Variants in KLHL1 observed in about 807,000 individuals in gnomAD.
KLHL1 encodes the protein kelch-like protein 1.
A neutral mutation model predicts 77.7 loss-of-function variants in KLHL1; 47 were observed. The observed-to-expected ratio is 0.60, with a 90% CI of 0.48 to 0.77. The LOEUF is 0.77. KLHL1 is among the 30% of genes least tolerant of loss of function. The probability of loss-of-function intolerance (pLI) is 0.00; values close to 1 mark genes in which losing one functional copy is unlikely to be tolerated. For missense variants in KLHL1, 925 were observed against 910.8 expected (o/e 1.02, Z -0.20); for synonymous variants, 360 against 325.2 (o/e 1.11, Z -1.15).
At chr13:69,746,624 C>T (rs887745016) in intron 7 of KLHL1, among the ~76,000 whole-genome samples, 8 of 151,312 alleles carry the variant, frequency 5.3e-5, no homozygotes, top group Non-Finnish European at 7.4e-5. Flanking sequence ...TTTCTTTCTC[C>T]AGTATTTTTG....
chr13:70,092,248 T>C (rs1443649796), intron 1 of KLHL1, among the ~76,000 whole-genome samples: 3 of 152,166 alleles, frequency 2.0e-5, no homozygotes, highest in African/African-American at 7.2e-5. Context: ...TATGTAGCAA[T>C]AAAAAATGAA....
intron 4 of KLHL1, among the ~76,000 whole-genome samples, chr13:69,888,676 G>A (rs1237562378): frequency 6.6e-6 from 1 of 151,924 alleles, no homozygotes; most frequent in Non-Finnish European, 1.5e-5. Context: ...ATGACCCTGT[G>A]GATAATATGA....
chr13:69,830,345 G>C (rs565248174), intron 6 of KLHL1, among the ~76,000 whole-genome samples: 6 of 149,886 alleles, frequency 4.0e-5, no homozygotes, highest in Non-Finnish European at 7.4e-5. Flanking sequence ...AGTTTAAAAA[G>C]GTAAAGAGGG....
At chr13:70,047,408 T>A (rs950022079) in intron 1 of KLHL1, among the ~76,000 whole-genome samples, 1 of 151,952 alleles carries the variant, frequency 6.6e-6, no homozygotes, top group Non-Finnish European at 1.5e-5. Flanking sequence ...TTTGTGTGTG[T>A]GTGTGTGTGT....
intron 3 of KLHL1, among the ~76,000 whole-genome samples, chr13:69,948,090 G>GT (rs1353922362): frequency 1.3e-4 from 19 of 151,718 alleles, no homozygotes; most frequent in Middle Eastern, 3.4e-3. Context: ...TTTAGAGATT[G>GT]TTTTCAAAAA....
intron 7 of KLHL1, among the ~76,000 whole-genome samples, chr13:69,748,448 T>G (rs1463432626): frequency 1.3e-5 from 2 of 151,992 alleles, no homozygotes; most frequent in East Asian, 3.9e-4. Flanking sequence ...CCATCAGATG[T>G]CGTGAGACTT....
intron 1 of KLHL1, among the ~76,000 whole-genome samples, chr13:70,077,372 T>G (rs1159315075): frequency 6.6e-6 from 1 of 151,808 alleles, no homozygotes; most frequent in African/African-American, 2.4e-5. Context: ...AGGCTACATA[T>G]TCTATGACTG....
intron 4 of KLHL1, among the ~76,000 whole-genome samples, chr13:69,922,465 CTGTT>C (rs1213498421): frequency 2.6e-5 from 4 of 151,292 alleles, no homozygotes; most frequent in African/African-American, 4.9e-5. Context: ...TATAAAAAGA[CTGTT>C]TGCTAATAGC....
intron 1 of KLHL1, among the ~76,000 whole-genome samples, chr13:70,045,794 G>C (rs951921744): frequency 6.6e-6 from 1 of 152,048 alleles, no homozygotes; most frequent in Non-Finnish European, 1.5e-5. Context: ...TTGAAGTATA[G>C]GGATGCTGCC....
chr13:69,801,867 T>C (rs946748710), intron 6 of KLHL1, among the ~76,000 whole-genome samples: 16 of 152,182 alleles, frequency 1.1e-4, no homozygotes, highest in African/African-American at 3.9e-4. Context: ...TTTCTTTTTA[T>C]TATTTTTTAA....
chr13:69,809,185 C>T (rs1039186143), intron 6 of KLHL1, among the ~76,000 whole-genome samples: 1 of 152,040 alleles, frequency 6.6e-6, no homozygotes, highest in Non-Finnish European at 1.5e-5. Context: ...AAGAGGTAGA[C>T]ATGTAAATGC....
At chr13:69,853,619 A>G (rs1879779199) in intron 5 of KLHL1, among the ~76,000 whole-genome samples, 1 of 152,016 alleles carries the variant, frequency 6.6e-6, no homozygotes, top group Non-Finnish European at 1.5e-5. Context: ...TAATGTGTAG[A>G]TACATACTGG....
At chr13:69,951,227 T>TTTTA (rs142296626) in intron 3 of KLHL1, among the ~76,000 whole-genome samples, 1,564 of 151,636 alleles carry the variant, frequency 0.01, 27 homozygotes, top group African/African-American at 0.035. Flanking sequence ...TCCCAGTATT[T>TTTTA]TTTGACTTAC....
chr13:69,864,776 G>A (rs906092498), intron 5 of KLHL1, among the ~76,000 whole-genome samples: 10 of 152,132 alleles, frequency 6.6e-5, no homozygotes, highest in African/African-American at 2.2e-4. Flanking sequence ...AAAATCTTAA[G>A]GAACTTACAA....
intron 7 of KLHL1, among the ~76,000 whole-genome samples, chr13:69,760,887 A>G (rs1874989235): frequency 6.6e-6 from 1 of 152,046 alleles, no homozygotes; most frequent in Non-Finnish European, 1.5e-5. Context: ...CTTTAGTAAG[A>G]TTTTACCATT....
At chr13:69,908,390 GAGA>G (rs1461020330) in intron 4 of KLHL1, among the ~76,000 whole-genome samples, 33 of 151,640 alleles carry the variant, frequency 2.2e-4, no homozygotes, top group Admixed American at 1.8e-3. Context: ...AACGGTGTGA[GAGA>G]AGATTTGACA....
rs1593853474 is a variant in KLHL1, at chr13:69,812,265, A to G, written c.1415-15303T>C. The stretch of plus-strand genomic sequence containing the variant: ...TAATTTGATTGCACTGTGGTCTGAG[A>G]GACAGTTTGTTATAATTTCTGTTAT... On this transcript the variant is annotated intron_variant, in intron 6 of 10. Coordinates refer to ENST00000377844, the MANE Select transcript of KLHL1 (RefSeq NM_020866.3). 5.3e-5 allele frequency among the ~76,000 whole-genome samples: 8 copies of G among 152,208 alleles called. No individual in the cohort carries two copies. The South Asian group carries it at 1.7e-3, about 32-fold the overall frequency.
chr13:70,068,610 A>C (rs1184519202), intron 1 of KLHL1, among the ~76,000 whole-genome samples: 1 of 152,204 alleles, frequency 6.6e-6, no homozygotes, highest in Admixed American at 6.5e-5. Context: ...ACAGTGTGTA[A>C]AAATGTGCCT....
At chr13:69,764,660 G>A (rs573808189) in intron 7 of KLHL1, among the ~76,000 whole-genome samples, 2 of 152,054 alleles carry the variant, frequency 1.3e-5, no homozygotes, top group Non-Finnish European at 2.9e-5. Context: ...GACACTTCCT[G>A]CTCAATGAGT....
Sources: gnomAD v4.1 joint callset for allele counts (sites outside exome capture counted in the v4.1 genomes callset) on GRCh38, gnomAD v4.1.1 for gene constraint, MANE v1.5 for transcripts, NCBI Gene and HGNC (gene_info 2026-07-23, HGNC 2026-07-21) for gene names.